MYO18B: variants seen among roughly 807,000 people sequenced by gnomAD.
MYO18B encodes the protein myosin XVIIIB.
MYO18B carries 204 observed loss-of-function variants against 273.0 expected under a neutral mutation model. The observed-to-expected ratio is 0.75, with a 90% CI of 0.67 to 0.84. The LOEUF is 0.84. MYO18B is among the 40% of genes least tolerant of loss of function. The probability of loss-of-function intolerance (pLI) is 0.00; values close to 1 mark genes in which losing one functional copy is unlikely to be tolerated. For synonymous variants in MYO18B, 1,330 were observed against 1,305.7 expected (o/e 1.02, Z -0.40); for missense variants, 3,212 against 3,287.6 (o/e 0.98, Z 0.56).
the MYO18B span, among the ~76,000 whole-genome samples, chr22:26,046,944 T>C: frequency 6.6e-6 from 1 of 152,042 alleles, no homozygotes; most frequent in Admixed American, 6.6e-5. Flanking sequence ...GGCCATCAGG[T>C]GGGTGCCTCA....
At chr22:25,835,480 C>T (rs371784623) in intron 17 of MYO18B, 37 bp downstream of exon 17, 41 of 1,611,564 alleles carry the variant, frequency 2.5e-5, no homozygotes, top group African/African-American at 5.3e-5. Flanking sequence ...GGCCTGAGTC[C>T]AGCCTGGGTA....
At chr22:25,818,766 A>T (rs1244360671) in intron 12 of MYO18B, among the ~76,000 whole-genome samples, 1 of 151,892 alleles carries the variant, frequency 6.6e-6, no homozygotes, top group African/African-American at 2.4e-5. Flanking sequence ...TGGAGAAGGG[A>T]ATTGCAATTT....
chr22:25,827,155 G>A (rs1230679323), intron 14 of MYO18B, among the ~76,000 whole-genome samples: 1 of 152,086 alleles, frequency 6.6e-6, no homozygotes, highest in Non-Finnish European at 1.5e-5. Flanking sequence ...TGAGGGCCAG[G>A]GATTGCACTA....
intron 39 of MYO18B, among the ~76,000 whole-genome samples, chr22:25,988,649 T>G (rs1429860814): frequency 1.3e-5 from 2 of 152,186 alleles, no homozygotes; most frequent in Non-Finnish European, 2.9e-5. Context: ...TTTTATTTGG[T>G]TTGTGACCTT....
intron 34 of MYO18B, among the ~76,000 whole-genome samples, chr22:25,932,665 C>A (rs1020000706): frequency 1.3e-5 from 2 of 152,174 alleles, no homozygotes; most frequent in African/African-American, 4.8e-5. Flanking sequence ...CCACCTCGGC[C>A]TCCCAAAGTG....
At chr22:25,928,402 CAAAA>C (rs71311529) in intron 34 of MYO18B, among the ~76,000 whole-genome samples, 1 of 48,058 alleles carries the variant, frequency 2.1e-5, no homozygotes. Flanking sequence ...GACCCGGCCT[CAAAA>C]AAAAAAAAAA....
At chr22:25,842,990 C>G (rs1259713705) in intron 17 of MYO18B, among the ~76,000 whole-genome samples, 1 of 152,166 alleles carries the variant, frequency 6.6e-6, no homozygotes, top group Non-Finnish European at 1.5e-5. Flanking sequence ...TGCCCGGACA[C>G]TATACTAAAA....
the MYO18B span, among the ~76,000 whole-genome samples, chr22:26,051,150 C>T: frequency 0.084 from 12,518 of 149,864 alleles, 834 homozygotes; most frequent in African/African-American, 0.18. Flanking sequence ...CTATTATCTA[C>T]AAGATGCATG....
At chr22:25,947,613 A>G (rs1249957870) in intron 35 of MYO18B, 99 bp from the exon 36 acceptor site, 1 of 788,874 alleles carries the variant, frequency 1.3e-6, no homozygotes, top group East Asian at 2.7e-5. Flanking sequence ...CACTCACCTC[A>G]CACACCTATA....
At chr22:26,051,301 G>A in the MYO18B span, among the ~76,000 whole-genome samples, 18 of 128,790 alleles carry the variant, frequency 1.4e-4, no homozygotes, top group South Asian at 2.8e-4. Context: ...TCTGCTCACC[G>A]CAAGCTCCAC....
chr22:25,802,761 A>AC (rs1394696787), intron 12 of MYO18B, among the ~76,000 whole-genome samples: 5 of 75,840 alleles, frequency 6.6e-5, no homozygotes, highest in South Asian at 4.9e-4. Context: ...TCAAAAAAAA[A>AC]AAAAAAAAAA....
At chr22:25,993,324 T>G (rs1932904428) in intron 40 of MYO18B, among the ~76,000 whole-genome samples, 1 of 152,168 alleles carries the variant, frequency 6.6e-6, no homozygotes, top group Non-Finnish European at 1.5e-5. Flanking sequence ...CACACATCCC[T>G]GCCCCCGTTC....
rs553423272 is a variant in MYO18B, at chr22:25,965,342, G to T, written c.6156+9978G>T. The stretch of plus-strand genomic sequence containing the variant: ...GCCTTGTTCCCCTCCATATTGGTCA[G>T]TTTCCCTCGAAGGAAAAAGCCCATT... On this transcript the variant is annotated intron_variant, in intron 39 of 43. Transcript: ENST00000335473. 1.7e-3 allele frequency among the ~76,000 whole-genome samples: 260 copies of T among 152,318 alleles called. 3 individuals are homozygous for T. The South Asian group carries it at 0.018, about 10-fold the overall frequency.
rs146215080 is a variant in MYO18B, at chr22:25,851,860, C to G, written c.3885+281C>G. Among the ~76,000 whole-genome samples the G allele has an allele frequency of 4.2e-3, 639 of 152,300 alleles. 1 individual carries two copies. Among genetic ancestry groups the G allele is most frequent in the Non-Finnish European group, 6.0e-3 (407 of 68,028 alleles). Reference sequence around the variant, plus strand: ...AGGACCATGGGGGCAGTGCTGAGGGCAGCATGAGGTTTCACTCAAATTCTT... The same window carrying G: ...AGGACCATGGGGGCAGTGCTGAGGGGAGCATGAGGTTTCACTCAAATTCTT... On this transcript the variant is annotated intron_variant, in intron 21 of 43. Coordinates refer to ENST00000335473, the MANE Select transcript of MYO18B (RefSeq NM_032608.7).
At chr22:25,952,181 G>A in intron 37 of MYO18B, 105 bp from the exon 38 acceptor site, 1 of 1,239,208 alleles carries the variant, frequency 8.1e-7, no homozygotes. Context: ...AGAGAAGGAG[G>A]TGGTGTGAAT....
intron 42 of MYO18B, among the ~76,000 whole-genome samples, chr22:26,006,713 C>T (rs1349557298): frequency 6.6e-6 from 1 of 152,148 alleles, no homozygotes; most frequent in Non-Finnish European, 1.5e-5. Context: ...TGCTTAACTT[C>T]TCTGTTCATG....
intron 12 of MYO18B, among the ~76,000 whole-genome samples, chr22:25,816,056 C>T (rs1488082386): frequency 6.6e-6 from 1 of 152,200 alleles, no homozygotes; most frequent in Non-Finnish European, 1.5e-5. Context: ...TGCATGGCAC[C>T]TGAGGGCAGC....
chr22:25,999,683 TCTCA>T (rs1933759840), intron 40 of MYO18B, among the ~76,000 whole-genome samples: 1 of 129,920 alleles, frequency 7.7e-6, no homozygotes, highest in Admixed American at 7.5e-5. Context: ...CTTCTTCTCC[TCTCA>T]CTCTGTCACC....
chr22:26,013,131 G>C (rs1935045463), intron 42 of MYO18B, among the ~76,000 whole-genome samples: 1 of 151,962 alleles, frequency 6.6e-6, no homozygotes, highest in African/African-American at 2.4e-5. Flanking sequence ...CATCTACACT[G>C]TTGCATGTAG....
Sources: gnomAD v4.1 joint callset for allele counts (sites outside exome capture counted in the v4.1 genomes callset) on GRCh38, gnomAD v4.1.1 for gene constraint, MANE v1.5 for transcripts, NCBI Gene and HGNC (gene_info 2026-07-23, HGNC 2026-07-21) for gene names.